The following SNX14 variants were observed in gnomAD, a reference collection of about 807,000 sequenced individuals.
The protein encoded by SNX14 is sorting nexin-14.
Under a neutral mutation model 133.8 loss-of-function variants are expected in SNX14, and 93 were observed. The observed-to-expected ratio is 0.70, with a 90% CI of 0.59 to 0.83. SNX14 has a LOEUF of 0.83. Ranked by LOEUF, SNX14 falls within the 40% of genes least tolerant of loss-of-function variation. The pLI, the probability that SNX14 is intolerant of heterozygous loss-of-function variation, is 0.00. For synonymous variants in SNX14, 368 were observed against 365.6 expected, an observed-to-expected ratio of 1.01 and a Z score of -0.07; for missense variants, 945 against 1,094.9, an observed-to-expected ratio of 0.86 and a Z score of 1.93.
At chr6:85,568,881 T>G (rs1488794764) in intron 4 of SNX14, among the ~76,000 whole-genome samples, 1 of 152,134 alleles carries the variant, frequency 6.6e-6, no homozygotes, top group African/African-American at 2.4e-5. Flanking sequence ...GAGTTATCAT[T>G]AAACATTTCT....
intron 16 of SNX14, 188 bp from the exon 17 acceptor site, chr6:85,537,112 G>A (rs1050974987): frequency 4.5e-6 from 2 of 448,968 alleles, no homozygotes; most frequent in African/African-American, 2.0e-5. Flanking sequence ...AAATGACACA[G>A]TATTTAAAGT....
At chr6:85,576,155 C>G (rs1797273025) in intron 1 of SNX14, among the ~76,000 whole-genome samples, 1 of 152,060 alleles carries the variant, frequency 6.6e-6, no homozygotes, top group Non-Finnish European at 1.5e-5. Context: ...CTTGCACAAT[C>G]ATTTTTACAG....
In SNX14 at chr6:85,521,696, GA is replaced by G. The variant is rs561678155; in HGVS notation, c.2108-3649del. Reference sequence around the variant, plus strand: ...AAAGAGAGATTTTTGCTGTTTAAAAGAAAAAAAGGCAAAAGCCACAATTACT... The same window carrying G: ...AAAGAGAGATTTTTGCTGTTTAAAAGAAAAAAGGCAAAAGCCACAATTACT... On this transcript the variant is annotated intron_variant, in intron 21 of 28. Transcript: ENST00000314673. Among the ~76,000 whole-genome samples, 6 of 151,904 alleles carry G rather than the reference GA, an allele frequency of 3.9e-5. No homozygotes were observed. In the South Asian group the frequency reaches 8.3e-4, roughly 21 times the overall value.
At chr6:85,532,450 A>G (rs974837579) in intron 18 of SNX14, among the ~76,000 whole-genome samples, 2 of 152,224 alleles carry the variant, frequency 1.3e-5, no homozygotes, top group African/African-American at 4.8e-5. Context: ...TTGAAACAGG[A>G]TCAACTTCTG....
chr6:85,560,423 C>G (rs1027841646), intron 6 of SNX14, among the ~76,000 whole-genome samples: 1 of 152,122 alleles, frequency 6.6e-6, no homozygotes, highest in African/African-American at 2.4e-5. Context: ...ATGAAATGTT[C>G]AGAATAGACA....
At chr6:85,552,864 G>A (rs928034572) in intron 7 of SNX14, among the ~76,000 whole-genome samples, 5 of 152,200 alleles carry the variant, frequency 3.3e-5, no homozygotes, top group African/African-American at 1.2e-4. Flanking sequence ...GCTAACCCCA[G>A]GTTTTTAGAC....
chr6:85,533,912 C>A, intron 17 of SNX14, 112 bp from the exon 18 acceptor site: 1 of 825,180 alleles, frequency 1.2e-6, no homozygotes, highest in South Asian at 2.0e-5. Flanking sequence ...TTTTTAAGAC[C>A]CTGAAAGCTA....
At chr6:85,515,768 T>A (rs1347078154) in intron 23 of SNX14, among the ~76,000 whole-genome samples, 1 of 151,552 alleles carries the variant, frequency 6.6e-6, no homozygotes, top group African/African-American at 2.4e-5. Flanking sequence ...TCAGTGTAAT[T>A]TTTTTTTTCA....
intron 1 of SNX14, 45 bp from the exon 2 acceptor site, chr6:85,574,423 TAATTCTAAGTTACCGCTTCACTGACTTA>T (rs1796672206): frequency 1.4e-6 from 2 of 1,384,814 alleles, no homozygotes; most frequent in African/African-American, 1.5e-5. Context: ...AGAAAATGCC[TAATTCTAAGTTACCGCTTCACTGACTTA>T]ACAAGCATTC....
At chr6:85,526,337 C>A in intron 20 of SNX14, 100 bp from the exon 21 acceptor site, 1 of 721,030 alleles carries the variant, frequency 1.4e-6, no homozygotes, top group Non-Finnish European at 2.3e-6. Context: ...CCAAAAGCTA[C>A]TTTATATTTA....
chr6:85,585,495 T>C (rs1233579527), intron 1 of SNX14, among the ~76,000 whole-genome samples: 4 of 149,820 alleles, frequency 2.7e-5, no homozygotes, highest in African/African-American at 7.4e-5. Context: ...AGGAAGGAAA[T>C]AGTCAAGAGC....
chr6:85,554,779 A>T (rs1434630099), intron 7 of SNX14, among the ~76,000 whole-genome samples: 2 of 152,122 alleles, frequency 1.3e-5, no homozygotes, highest in African/African-American at 4.8e-5. Context: ...TTCAATGATA[A>T]ATTTTAATCA....
chr6:85,574,646 C>T (rs549431997), intron 1 of SNX14, among the ~76,000 whole-genome samples: 96 of 152,286 alleles, frequency 6.3e-4, no homozygotes, highest in South Asian at 2.5e-3. Flanking sequence ...ATACTACATT[C>T]TTCCAGAATA....
chr6:85,507,441 CAGT>C (rs1333670138), intron 27 of SNX14, 152 bp from the exon 28 acceptor site: 2 of 596,534 alleles, frequency 3.4e-6, no homozygotes, highest in Non-Finnish European at 2.9e-6. Flanking sequence ...AAAGTAGCCT[CAGT>C]AGTATCAATA....
chr6:85,593,556 C>G (rs777241515), intron 1 of SNX14, 23 bp downstream of exon 1: 2 of 1,596,504 alleles, frequency 1.3e-6, no homozygotes, highest in Non-Finnish European at 1.7e-6. Context: ...AGCCGCCGCC[C>G]AGGCTCCGCG....
chr6:85,562,193 G>A lies in SNX14; in HGVS notation c.549+3139C>T, dbSNP rs150703748. 5.5e-4 allele frequency among the ~76,000 whole-genome samples: 83 copies of A among 152,264 alleles called. 2 individuals carry two copies. In the East Asian group the frequency reaches 0.016, roughly 29 times the overall value. ...TTTCATTCTTTTTTATGGCTGCGTG[G>A]TATTCCATGGAGTATATGTACCACA... is the stretch of plus-strand genomic sequence containing the variant. On this transcript the variant is annotated intron_variant, in intron 6 of 28. Transcript: ENST00000314673.
rs537528865 is a variant in SNX14 at position 85,592,552 on chromosome 6, T to C, written c.140+1027A>G. ...TACCTATTGCATCGCAACAATTTCTTGAAATAGTAAAATGAAGTAAAACAA... is the reference window on the plus strand; with the variant it reads ...TACCTATTGCATCGCAACAATTTCTCGAAATAGTAAAATGAAGTAAAACAA... On this transcript the variant is annotated intron_variant, in intron 1 of 28. Coordinates refer to ENST00000314673, the MANE Select transcript of SNX14 (RefSeq NM_153816.6). 1.3e-4 allele frequency among the ~76,000 whole-genome samples: 20 copies of C among 152,340 alleles called. No homozygotes were observed. In the South Asian group the frequency reaches 4.1e-3, roughly 32 times the overall value.
chr6:85,506,314 T>C (rs184839289), intron 28 of SNX14, among the ~76,000 whole-genome samples: 241 of 148,218 alleles, frequency 1.6e-3, no homozygotes, highest in Non-Finnish European at 2.1e-3. Flanking sequence ...TCACAATAAC[T>C]TGAAAATTTT....
chr6:85,591,780 T>C (rs537618160), intron 1 of SNX14, among the ~76,000 whole-genome samples: 1 of 152,216 alleles, frequency 6.6e-6, no homozygotes, highest in Admixed American at 6.5e-5. Context: ...GAGGCTGAGG[T>C]AGGTGGATCA....
Sources: gnomAD v4.1 joint callset for allele counts (sites outside exome capture counted in the v4.1 genomes callset) on GRCh38, gnomAD v4.1.1 for gene constraint, MANE v1.5 for transcripts, NCBI Gene and HGNC (gene_info 2026-07-23, HGNC 2026-07-21) for gene names.